Variants in MEOX2 observed in about 807,000 individuals in gnomAD.
MEOX2 encodes homeobox protein MOX-2.
Under a neutral mutation model 27.0 loss-of-function variants are expected in MEOX2, and 11 were observed. The ratio of observed to expected loss-of-function variants is 0.41; its 90% CI spans 0.26 to 0.68. The LOEUF (loss-of-function observed/expected upper bound fraction) is 0.68. Ranked by LOEUF, MEOX2 falls within the 30% of genes least tolerant of loss-of-function variation. The pLI, the probability that MEOX2 is intolerant of heterozygous loss-of-function variation, is 0.33. For missense variants in MEOX2, 436 were observed against 385.4 expected (o/e 1.13, Z -1.10); for synonymous variants, 189 against 155.4 (o/e 1.22, Z -1.61).
At chr7:15,622,553 T>C (rs886565586) in intron 2 of MEOX2, among the ~76,000 whole-genome samples, 6 of 152,266 alleles carry the variant, frequency 3.9e-5, no homozygotes, top group Admixed American at 1.3e-4. Flanking sequence ...CTCAGGTTAT[T>C]TTAACATATG....
chr7:15,641,727 A>G (rs1781563682), intron 1 of MEOX2, among the ~76,000 whole-genome samples: 1 of 151,794 alleles, frequency 6.6e-6, no homozygotes, highest in Non-Finnish European at 1.5e-5. Flanking sequence ...TTGTATTTTC[A>G]TTTGCTTTTG....
At chr7:15,653,139 A>C (rs1246155891) in intron 1 of MEOX2, among the ~76,000 whole-genome samples, 1 of 124,048 alleles carries the variant, frequency 8.1e-6, no homozygotes. Context: ...GCTTGCCATC[A>C]TGTGTTAGAA....
intron 1 of MEOX2, among the ~76,000 whole-genome samples, chr7:15,666,205 C>T (rs1782001994): frequency 6.6e-6 from 1 of 152,122 alleles, no homozygotes; most frequent in Non-Finnish European, 1.5e-5. Context: ...CATGGGAGAG[C>T]CAATACAATG....
At chr7:15,657,268 A>C (rs1781837351) in intron 1 of MEOX2, among the ~76,000 whole-genome samples, 1 of 152,088 alleles carries the variant, frequency 6.6e-6, no homozygotes, top group Admixed American at 6.5e-5. Context: ...TTATTTCAAC[A>C]ATTTCTCTGT....
intron 1 of MEOX2, among the ~76,000 whole-genome samples, chr7:15,637,532 G>A (rs569656443): frequency 1.2e-4 from 18 of 150,110 alleles, no homozygotes; most frequent in South Asian, 2.1e-4. Context: ...ACACACACAC[G>A]CACACACACA....
intron 1 of MEOX2, among the ~76,000 whole-genome samples, chr7:15,659,308 C>A (rs948284350): frequency 5.3e-5 from 8 of 151,832 alleles, no homozygotes; most frequent in African/African-American, 1.9e-4. Flanking sequence ...TTTTTTGCAA[C>A]CAATTTTCAT....
chr7:15,642,917 C>A (rs531178160), intron 1 of MEOX2, among the ~76,000 whole-genome samples: 1 of 152,106 alleles, frequency 6.6e-6, no homozygotes, highest in Non-Finnish European at 1.5e-5. Context: ...TTCTTAAGCG[C>A]TATTTGTTTG....
intron 1 of MEOX2, among the ~76,000 whole-genome samples, chr7:15,651,782 A>T (rs1781735452): frequency 6.6e-6 from 1 of 152,030 alleles, no homozygotes; most frequent in African/African-American, 2.4e-5. Flanking sequence ...AGGAGGAAAA[A>T]ATATGAACAA....
intron 1 of MEOX2, among the ~76,000 whole-genome samples, chr7:15,633,156 A>T (rs147920462): frequency 6.6e-6 from 1 of 151,976 alleles, no homozygotes; most frequent in Non-Finnish European, 1.5e-5. Context: ...TTTGAGGCCA[A>T]TTCTTGTTCT....
At chr7:15,627,929 C>T (rs916791256) in intron 1 of MEOX2, among the ~76,000 whole-genome samples, 1 of 151,800 alleles carries the variant, frequency 6.6e-6, no homozygotes, top group Non-Finnish European at 1.5e-5. Context: ...TAATGCTCTC[C>T]TGAAAATTAT....
intron 1 of MEOX2, among the ~76,000 whole-genome samples, chr7:15,630,787 T>C (rs1210482872): frequency 6.6e-6 from 1 of 152,040 alleles, no homozygotes; most frequent in Non-Finnish European, 1.5e-5. Flanking sequence ...ATGAAATCAT[T>C]CTATTGGTGC....
intron 1 of MEOX2, among the ~76,000 whole-genome samples, chr7:15,658,475 G>T (rs943393972): frequency 9.2e-5 from 14 of 152,156 alleles, no homozygotes; most frequent in African/African-American, 3.4e-4. Context: ...CATTTTTTGT[G>T]TGTATATATT....
At chr7:15,612,720 A>G (rs1258706882) in intron 2 of MEOX2, 109 bp from the exon 3 acceptor site, 5 of 794,798 alleles carry the variant, frequency 6.3e-6, no homozygotes. Context: ...GGCTTATACA[A>G]AGACACCATG....
At chr7:15,684,288 T>C (rs1026335078) in intron 1 of MEOX2, among the ~76,000 whole-genome samples, 3 of 152,178 alleles carry the variant, frequency 2.0e-5, no homozygotes, top group African/African-American at 4.8e-5. Context: ...TGATATCAAA[T>C]GTTCAGTTTA....
chr7:15,645,461 A>T (rs945705186), intron 1 of MEOX2, among the ~76,000 whole-genome samples: 1 of 152,228 alleles, frequency 6.6e-6, no homozygotes, highest in Non-Finnish European at 1.5e-5. Flanking sequence ...ACATGGGCTC[A>T]TACCAGTGAA....
chr7:15,664,836 G>A (rs1227997581), intron 1 of MEOX2, among the ~76,000 whole-genome samples: 1 of 151,986 alleles, frequency 6.6e-6, no homozygotes, highest in Non-Finnish European at 1.5e-5. Flanking sequence ...GATATCTGCT[G>A]GACTTTCTAG....
intron 1 of MEOX2, among the ~76,000 whole-genome samples, chr7:15,674,916 A>G (rs1282596653): frequency 6.6e-6 from 1 of 152,156 alleles, no homozygotes; most frequent in Non-Finnish European, 1.5e-5. Flanking sequence ...ACTATATTAA[A>G]TTTTTTAAAA....
chr7:15,645,722 A>G (rs1389644165), intron 1 of MEOX2, among the ~76,000 whole-genome samples: 1 of 152,160 alleles, frequency 6.6e-6, no homozygotes, highest in African/African-American at 2.4e-5. Context: ...GCTATTTTTA[A>G]GTACTGGACA....
intron 1 of MEOX2, 98 bp downstream of exon 1, chr7:15,685,788 C>T: frequency 6.8e-7 from 1 of 1,464,548 alleles, no homozygotes; most frequent in Non-Finnish European, 9.1e-7. Flanking sequence ...TTCCCATCTT[C>T]CCTGCTGCCA....
Sources: allele counts gnomAD v4.1 joint callset (sites outside exome capture counted in the v4.1 genomes callset), GRCh38; gene constraint gnomAD v4.1.1; transcripts MANE v1.5; gene names NCBI Gene and HGNC (gene_info 2026-07-23, HGNC 2026-07-21).